The following PRKN variants were observed in gnomAD, a reference collection of about 807,000 sequenced individuals.
PRKN encodes the protein parkin RBR E3 ubiquitin protein ligase.
Under a neutral mutation model 59.5 loss-of-function variants are expected in PRKN, and 56 were observed. That is an observed-to-expected ratio of 0.94 (90% CI 0.76 to 1.18). PRKN has a LOEUF of 1.18. PRKN is among the 50% of genes most tolerant of loss of function. The probability of loss-of-function intolerance (pLI) is 0.00; values close to 1 mark genes in which losing one functional copy is unlikely to be tolerated. For synonymous variants in PRKN, 250 were observed against 222.1 expected (o/e 1.13, Z -1.12); for missense variants, 657 against 596.4 (o/e 1.10, Z -1.06).
intron 7 of PRKN, among the ~76,000 whole-genome samples, chr6:161,628,498 C>T (rs1783177225): frequency 6.6e-6 from 1 of 152,224 alleles, no homozygotes; most frequent in Non-Finnish European, 1.5e-5. Context: ...GTCCCATCTC[C>T]TAATACCATC....
At chr6:162,023,173 T>A (rs1232306843) in intron 5 of PRKN, among the ~76,000 whole-genome samples, 4 of 152,050 alleles carry the variant, frequency 2.6e-5, no homozygotes, top group African/African-American at 9.7e-5. Flanking sequence ...CCCACAGCAG[T>A]GTCTCGGGGT....
At chr6:162,175,681 T>C (rs1783498570) in intron 4 of PRKN, among the ~76,000 whole-genome samples, 2 of 152,104 alleles carry the variant, frequency 1.3e-5, no homozygotes, top group Non-Finnish European at 2.9e-5. Flanking sequence ...CCACTTGATA[T>C]AGAAAGTAGA....
intron 9 of PRKN, among the ~76,000 whole-genome samples, chr6:161,494,838 C>A (rs141628096): frequency 6.6e-6 from 1 of 152,156 alleles, no homozygotes; most frequent in Non-Finnish European, 1.5e-5. Flanking sequence ...AGTCTCCAGG[C>A]GAACATCAAG....
intron 10 of PRKN, among the ~76,000 whole-genome samples, chr6:161,383,532 G>A (rs1240082626): frequency 1.3e-5 from 2 of 152,228 alleles, no homozygotes; most frequent in African/African-American, 2.4e-5. Flanking sequence ...GAGGCAGGAG[G>A]CAAGATGTCC....
At chr6:162,475,582 T>A (rs1791965153) in intron 1 of PRKN, among the ~76,000 whole-genome samples, 1 of 106,808 alleles carries the variant, frequency 9.4e-6, no homozygotes. Context: ...TGTGTGTGCA[T>A]GAGTGTGTGT....
rs1022632446 is a variant in PRKN at position 161,404,969 on chromosome 6, G to A, written c.1084-18092C>T. Among the ~76,000 whole-genome samples, 4 of 152,172 alleles carry A rather than the reference G, an allele frequency of 2.6e-5. No homozygotes were observed. The South Asian group carries it at 8.3e-4, about 32-fold the overall frequency. On this transcript the variant is annotated intron_variant, in intron 9 of 11. Coordinates refer to ENST00000366898, the MANE Select transcript of PRKN (RefSeq NM_004562.3). ...GTTTCTGTAAAGTCATAAAAAGGGG[G>A]ACTAATTCTTCTCTTACTGGGATGG...
At chr6:162,006,290 G>A (rs1031595996) in intron 5 of PRKN, among the ~76,000 whole-genome samples, 1 of 152,028 alleles carries the variant, frequency 6.6e-6, no homozygotes, top group Non-Finnish European at 1.5e-5. Flanking sequence ...ACACTGAATG[G>A]AAAAATTCTC....
chr6:161,710,236 A>G (rs1786680924), intron 7 of PRKN, among the ~76,000 whole-genome samples: 1 of 152,166 alleles, frequency 6.6e-6, no homozygotes, highest in Non-Finnish European at 1.5e-5. Flanking sequence ...CCTTAAAACA[A>G]TAGCTATATA....
chr6:162,508,879 AAAAC>A (rs1793721806), intron 1 of PRKN, among the ~76,000 whole-genome samples: 1 of 152,168 alleles, frequency 6.6e-6, no homozygotes, highest in Non-Finnish European at 1.5e-5. Flanking sequence ...AAACAAACAA[AAAAC>A]AAACAAAATA....
chr6:162,689,367 GA>G (rs144904698), intron 1 of PRKN, among the ~76,000 whole-genome samples: 7 of 148,494 alleles, frequency 4.7e-5, no homozygotes, highest in South Asian at 4.3e-4. Context: ...ACTACTATAG[GA>G]AAAAAAAAAC....
At chr6:162,435,783 C>T (rs572467193) in intron 2 of PRKN, among the ~76,000 whole-genome samples, 3 of 152,170 alleles carry the variant, frequency 2.0e-5, no homozygotes, top group East Asian at 3.9e-4. Flanking sequence ...ATCTCATTTA[C>T]ATGACCAATC....
intron 7 of PRKN, among the ~76,000 whole-genome samples, chr6:161,657,406 C>G (rs995330403): frequency 5.3e-5 from 8 of 152,212 alleles, no homozygotes; most frequent in Non-Finnish European, 7.3e-5. Context: ...CTTGCCACTG[C>G]TCCTAGGATC....
intron 1 of PRKN, among the ~76,000 whole-genome samples, chr6:162,470,709 T>C (rs1791687807): frequency 6.6e-6 from 1 of 152,208 alleles, no homozygotes; most frequent in Non-Finnish European, 1.5e-5. Flanking sequence ...GAGGCAAAGC[T>C]ACACCTGAGG....
intron 9 of PRKN, among the ~76,000 whole-genome samples, chr6:161,491,904 T>A (rs185598133): frequency 6.6e-6 from 1 of 152,292 alleles, no homozygotes; most frequent in African/African-American, 2.4e-5. Context: ...AATGCTGGGA[T>A]TACAGGCGTG....
At position 162,452,782 on chromosome 6, in the gene PRKN, A is replaced by T. The variant is rs1275815311; in HGVS notation, c.8-9309T>A. 2.8e-5 allele frequency among the ~76,000 whole-genome samples: 4 copies of T among 145,416 alleles called. No individual in the cohort carries two copies. In the Admixed American group the frequency reaches 2.8e-4, roughly 10 times the overall value. ...TAAATTTTAATGAAGTAAACACTCC[A>T]ATTAAAAGGCAGGGACTACGTGGAC... On this transcript the variant is annotated intron_variant, in intron 1 of 11. Coordinates refer to ENST00000366898, the MANE Select transcript of PRKN (RefSeq NM_004562.3).
chr6:162,443,238 A>C, intron 2 of PRKN, 72 bp downstream of exon 2: 1 of 1,489,056 alleles, frequency 6.7e-7, no homozygotes, highest in Non-Finnish European at 9.3e-7. Context: ...CATGAATGTC[A>C]GATTGGCAGC....
At chr6:161,717,852 G>A (rs75019335) in intron 7 of PRKN, among the ~76,000 whole-genome samples, 28 of 152,094 alleles carry the variant, frequency 1.8e-4, no homozygotes, top group African/African-American at 5.6e-4. Flanking sequence ...CTTCCATCCC[G>A]CTGTGCTCAT....
At chr6:161,500,082 A>T (rs890693029) in intron 9 of PRKN, among the ~76,000 whole-genome samples, 1 of 152,222 alleles carries the variant, frequency 6.6e-6, no homozygotes, top group African/African-American at 2.4e-5. Context: ...GTTAATGAAA[A>T]TCAATGCATC....
chr6:161,737,107 A>G (rs1787995120), intron 7 of PRKN, among the ~76,000 whole-genome samples: 1 of 152,210 alleles, frequency 6.6e-6, no homozygotes. Flanking sequence ...GGGATGTGTC[A>G]ATTCTGCAAG....
Sources: allele counts gnomAD v4.1 joint callset (sites outside exome capture counted in the v4.1 genomes callset), GRCh38; gene constraint gnomAD v4.1.1; transcripts MANE v1.5; gene names NCBI Gene and HGNC (gene_info 2026-07-23, HGNC 2026-07-21).